The following PLXDC1 variants were observed in gnomAD, a reference collection of about 807,000 sequenced individuals.
PLXDC1 encodes the protein plexin domain containing 1.
A neutral mutation model predicts 61.3 loss-of-function variants in PLXDC1; 39 were observed. The ratio of observed to expected loss-of-function variants is 0.64; its 90% CI spans 0.49 to 0.83. The LOEUF (loss-of-function observed/expected upper bound fraction) is 0.83, where lower values mean the gene tolerates loss of function less well. Ranked by LOEUF, PLXDC1 falls within the 40% of genes least tolerant of loss-of-function variation. The pLI, the probability that PLXDC1 is intolerant of heterozygous loss-of-function variation, is 0.00. For missense variants in PLXDC1, 596 were observed against 666.5 expected (o/e 0.89, Z 1.17); for synonymous variants, 212 against 254.5 (o/e 0.83, Z 1.59).
intron 2 of PLXDC1, 33 bp from the exon 3 acceptor site, chr17:39,109,424 T>G (rs1598200908): frequency 1.3e-6 from 2 of 1,557,676 alleles, no homozygotes; most frequent in Non-Finnish European, 1.7e-6. Flanking sequence ...CCACAGGAGG[T>G]GTGAGTAGTC....
In PLXDC1 at chr17:39,129,549, G is replaced by A. The variant is rs529383959; in HGVS notation, c.255+10105C>T. On this transcript the variant is annotated intron_variant, in intron 2 of 13. Transcript: ENST00000315392. ...GGAGAATCGTTTGAACCCGGGAGGC[G>A]GAGGTTGCAGTGAGCTGAGATTGCG... Among the ~76,000 whole-genome samples, 9 of 143,470 alleles carry A rather than the reference G, an allele frequency of 6.3e-5. No individual in the cohort carries two copies. In the South Asian group the frequency reaches 1.4e-3, roughly 22 times the overall value. The allele number at this position is 143,470 out of a possible 152,430, so 94.1% of individuals were successfully genotyped here. A position where few individuals can be genotyped will look rare whatever the true frequency, so the allele number is the denominator to read the frequency against.
intron 1 of PLXDC1, among the ~76,000 whole-genome samples, chr17:39,146,948 ATTTTTT>A (rs869300584): frequency 1.3e-5 from 1 of 74,686 alleles, no homozygotes; most frequent in Non-Finnish European, 2.5e-5. Flanking sequence ...ACAGGAAATG[ATTTTTT>A]TTTTTTTTTT....
chr17:39,132,399 T>G (rs1911596380), intron 2 of PLXDC1, among the ~76,000 whole-genome samples: 1 of 151,876 alleles, frequency 6.6e-6, no homozygotes, highest in Non-Finnish European at 1.5e-5. Flanking sequence ...AAACGCCCAG[T>G]GTCCCCAGGG....
At chr17:39,086,779 G>A (rs1050815536) in intron 8 of PLXDC1, among the ~76,000 whole-genome samples, 8 of 145,024 alleles carry the variant, frequency 5.5e-5, no homozygotes, top group Admixed American at 1.4e-4. Context: ...GGAGAATCAC[G>A]TGAACCTGGG....
rs538826934 is a variant in PLXDC1, at chr17:39,151,280, G to A, written c.76+82C>T. 2 of 1,076,782 alleles carry A rather than the reference G, an allele frequency of 1.9e-6. No homozygotes were observed. The highest frequency in any genetic ancestry group is 2.4e-6 in the Non-Finnish European group (2 of 842,104). The allele number at this position is 1,076,782 out of a possible 1,614,324, so 66.7% of individuals were successfully genotyped here. A position where few individuals can be genotyped will look rare whatever the true frequency, so the allele number is the denominator to read the frequency against. ...CCCCCCTCGCGGACATCGCCAGGCC[G>A]TCCACACCTGCCCATGCCCACACCT... On this transcript the variant is annotated intron_variant, in intron 1 of 13. Transcript: ENST00000315392. This position sits in a 1 kb window ranked among gnomAD's most constrained non-coding sequence, Gnocchi z 5.2.
intron 8 of PLXDC1, 68 bp from the exon 9 acceptor site, chr17:39,083,608 G>T: frequency 1.7e-6 from 2 of 1,176,328 alleles, no homozygotes; most frequent in Non-Finnish European, 2.5e-6. Flanking sequence ...GTGCAACTCT[G>T]AATTCCTGGT....
intron 2 of PLXDC1, among the ~76,000 whole-genome samples, chr17:39,115,220 C>G (rs1445281465): frequency 6.6e-6 from 1 of 152,244 alleles, no homozygotes; most frequent in Non-Finnish European, 1.5e-5. Flanking sequence ...AAACTTCCAT[C>G]TATTCTGACT....
chr17:39,074,436 T>C (rs1235518827), intron 11 of PLXDC1, among the ~76,000 whole-genome samples: 1 of 152,132 alleles, frequency 6.6e-6, no homozygotes, highest in Non-Finnish European at 1.5e-5. Flanking sequence ...TCTTCACTTT[T>C]TACTCTAATG....
At chr17:39,105,806 C>T (rs3744352) in intron 7 of PLXDC1, 48 bp downstream of exon 7, 134,645 of 1,219,482 alleles carry the variant, frequency 0.11, 8,240 homozygotes, top group Middle Eastern at 0.21. Flanking sequence ...TCAGTCTGAG[C>T]GGAGTCCTAC....
intron 2 of PLXDC1, among the ~76,000 whole-genome samples, chr17:39,115,150 C>A (rs1483538502): frequency 1.7e-5 from 2 of 115,878 alleles, no homozygotes; most frequent in African/African-American, 7.5e-5. Flanking sequence ...CCTGGATGAT[C>A]CCTGGACTCA....
intron 7 of PLXDC1, 35 bp from the exon 8 acceptor site, chr17:39,087,737 A>G: frequency 2.6e-6 from 4 of 1,528,518 alleles, no homozygotes; most frequent in Non-Finnish European, 3.6e-6. Flanking sequence ...TCAGGAGCAT[A>G]TCACAGGCAG....
At chr17:39,078,857 A>G (rs900937894) in intron 10 of PLXDC1, among the ~76,000 whole-genome samples, 5 of 152,314 alleles carry the variant, frequency 3.3e-5, no homozygotes, top group African/African-American at 1.2e-4. Flanking sequence ...GAATTCCTTG[A>G]GAGCTGCCCA....
At chr17:39,138,955 T>C (rs1449057906) in intron 2 of PLXDC1, among the ~76,000 whole-genome samples, 1 of 151,880 alleles carries the variant, frequency 6.6e-6, no homozygotes, top group Non-Finnish European at 1.5e-5. Context: ...TACACATACA[T>C]AATATACAAA....
At chr17:39,102,890 T>C (rs1313996044) in intron 7 of PLXDC1, among the ~76,000 whole-genome samples, 2 of 152,210 alleles carry the variant, frequency 1.3e-5, no homozygotes, top group African/African-American at 4.8e-5. Context: ...CATCCTTTTA[T>C]ATCTTTTGCA....
intron 2 of PLXDC1, among the ~76,000 whole-genome samples, chr17:39,122,378 CAAAAAAAAAA>C (rs71141762): frequency 1.6e-4 from 6 of 36,522 alleles, no homozygotes; most frequent in East Asian, 9.5e-4. Flanking sequence ...GACTCTGTCT[CAAAAAAAAAA>C]AAAAAAAAAA....
intron 7 of PLXDC1, among the ~76,000 whole-genome samples, chr17:39,097,986 C>T (rs1384521933): frequency 6.6e-6 from 1 of 151,188 alleles, no homozygotes; most frequent in Non-Finnish European, 1.5e-5. Flanking sequence ...GGGCGGATCA[C>T]CTGAGGTCAG....
At chr17:39,136,707 C>CA (rs1851742380) in intron 2 of PLXDC1, among the ~76,000 whole-genome samples, 1 of 151,514 alleles carries the variant, frequency 6.6e-6, no homozygotes, top group Non-Finnish European at 1.5e-5. Context: ...ATTACATCCA[C>CA]AAAAAAAGAA....
intron 12 of PLXDC1, chr17:39,070,220 C>T: frequency 2.2e-6 from 1 of 461,286 alleles, no homozygotes. Context: ...GGGTAGTTTT[C>T]CAAAATCATG....
At chr17:39,117,640 G>A (rs3785746) in intron 2 of PLXDC1, among the ~76,000 whole-genome samples, 70,043 of 151,890 alleles carry the variant, frequency 0.46, 16,559 homozygotes, top group Admixed American at 0.59. Context: ...TACTTGTGAG[G>A]CTGGGGCAGG....
Sources: allele counts gnomAD v4.1 joint callset (sites outside exome capture counted in the v4.1 genomes callset), GRCh38; gene constraint gnomAD v4.1.1; non-coding constraint Gnocchi (gnomAD v3.1); transcripts MANE v1.5; gene names NCBI Gene and HGNC (gene_info 2026-07-23, HGNC 2026-07-21).